Variants in CFAP20DC observed in about 807,000 individuals in gnomAD.
CFAP20DC encodes CFAP20 domain containing.
In CFAP20DC, 84 loss-of-function variants were observed where a neutral mutation model predicts 101.7. The observed-to-expected ratio is 0.83, with a 90% CI of 0.69 to 0.99. The LOEUF (loss-of-function observed/expected upper bound fraction) is 0.99. CFAP20DC is among the 50% of genes least tolerant of loss of function. CFAP20DC has a pLI of 0.00. For synonymous variants in CFAP20DC, 359 were observed against 351.2 expected, an observed-to-expected ratio of 1.02 and a Z score of -0.25; for missense variants, 1,007 against 970.3, an observed-to-expected ratio of 1.04 and a Z score of -0.50.
chr3:58,893,334 G>A (rs780977542), intron 6 of CFAP20DC, among the ~76,000 whole-genome samples: 13 of 152,162 alleles, frequency 8.5e-5, no homozygotes, highest in Non-Finnish European at 1.3e-4. Flanking sequence ...GTGAGCCACC[G>A]TGCCCGGCCA....
At position 59,007,767 on chromosome 3, in the gene CFAP20DC, C is replaced by T. The variant is rs1236475769; in HGVS notation, c.278+31790G>A. 6.6e-6 allele frequency among the ~76,000 whole-genome samples: 1 copy of T among 152,138 alleles called. No individual in the cohort carries two copies. Among genetic ancestry groups the T allele is most frequent in the African/African-American group, 2.4e-5 (1 of 41,434 alleles). The stretch of plus-strand genomic sequence containing the variant: ...GTGGCTAGACCCAGAAGGGCAGTAA[C>T]AATCACTGAAGTACAGCTCTCAGGA... On this transcript the variant is annotated intron_variant, in intron 4 of 16. Transcript: ENST00000482387. The surrounding 1 kb of genome is among the most constrained non-coding windows in gnomAD (Gnocchi z 4.4).
chr3:58,758,591 G>A (rs2069188279), intron 15 of CFAP20DC, among the ~76,000 whole-genome samples: 1 of 152,022 alleles, frequency 6.6e-6, no homozygotes, highest in Admixed American at 6.5e-5. Context: ...ACAACGTGCA[G>A]GTTTGTTACA....
intron 13 of CFAP20DC, among the ~76,000 whole-genome samples, chr3:58,840,598 G>A (rs895452998): frequency 1.3e-5 from 2 of 152,180 alleles, no homozygotes; most frequent in Non-Finnish European, 2.9e-5. Context: ...TAAAGAGCAG[G>A]AAGCACACAA....
In CFAP20DC at chr3:58,971,668, T is replaced by C. The variant is rs1176147363; in HGVS notation, c.279-33906A>G. Among the ~76,000 whole-genome samples the C allele has an allele frequency of 6.6e-6, 1 of 152,010 alleles. No homozygotes were observed. Among genetic ancestry groups the C allele is most frequent in the African/African-American group, 2.4e-5 (1 of 41,388 alleles). ...GGTCCACCATAAGGATCTAGATAAA[T>C]AGGTTATGTTCTAGCCATGCAATGG... On this transcript the variant is annotated intron_variant, in intron 4 of 16. Transcript: ENST00000482387. The surrounding 1 kb of genome is among the most constrained non-coding windows in gnomAD (Gnocchi z 4.1).
At chr3:59,011,305 G>A in intron 4 of CFAP20DC, among the ~76,000 whole-genome samples, 1 of 151,962 alleles carries the variant, frequency 6.6e-6, no homozygotes, top group East Asian at 1.9e-4. Context: ...GGCTGAAGCA[G>A]GAGAACTGCT....
chr3:58,780,955 G>C (rs923415431), intron 15 of CFAP20DC, among the ~76,000 whole-genome samples: 6 of 151,912 alleles, frequency 3.9e-5, no homozygotes, highest in African/African-American at 1.4e-4. Context: ...GAAATTTAAA[G>C]AACATTTCAT....
chr3:58,903,329 A>G (rs780324235), intron 6 of CFAP20DC, among the ~76,000 whole-genome samples: 1 of 152,132 alleles, frequency 6.6e-6, no homozygotes, highest in Non-Finnish European at 1.5e-5. Flanking sequence ...TTTGTATACG[A>G]TATGTGGTAG....
At chr3:59,045,629 C>T (rs1385387438) in intron 3 of CFAP20DC, among the ~76,000 whole-genome samples, 1 of 152,014 alleles carries the variant, frequency 6.6e-6, no homozygotes, top group Non-Finnish European at 1.5e-5. Flanking sequence ...ATCTTAATTT[C>T]TAAAGTAAAC....
intron 12 of CFAP20DC, among the ~76,000 whole-genome samples, chr3:58,855,744 T>C (rs79903218): frequency 0.17 from 24,566 of 147,998 alleles, 3,933 homozygotes; most frequent in African/African-American, 0.42. Context: ...AAGAAAAAAC[T>C]AAACACCACA....
chr3:58,833,578 T>C (rs2076541360), intron 13 of CFAP20DC, among the ~76,000 whole-genome samples: 1 of 152,122 alleles, frequency 6.6e-6, no homozygotes, highest in South Asian at 2.1e-4. Context: ...TAACACGTAT[T>C]GGCAAGGATG....
intron 15 of CFAP20DC, among the ~76,000 whole-genome samples, chr3:58,761,264 G>T (rs1468364507): frequency 6.6e-6 from 1 of 152,174 alleles, no homozygotes; most frequent in African/African-American, 2.4e-5. Flanking sequence ...TTAGTCTTGG[G>T]AGGGTGTATG....
At chr3:58,754,435 G>A (rs997307939) in intron 15 of CFAP20DC, among the ~76,000 whole-genome samples, 6 of 152,092 alleles carry the variant, frequency 3.9e-5, no homozygotes, top group Admixed American at 6.6e-5. Flanking sequence ...CCAGTCTCTT[G>A]CTTCCTCTCG....
At chr3:58,960,228 C>T (rs893448592) in intron 4 of CFAP20DC, among the ~76,000 whole-genome samples, 3 of 152,092 alleles carry the variant, frequency 2.0e-5, no homozygotes, top group African/African-American at 7.2e-5. Context: ...CGTGGTGGCT[C>T]ATGCCTGTAA....
intron 3 of CFAP20DC, among the ~76,000 whole-genome samples, chr3:58,735,980 A>G (rs1477000740): frequency 6.6e-6 from 1 of 152,128 alleles, no homozygotes. Context: ...ATTTTTTTTA[A>G]CTTAAATCAA....
chr3:58,790,822 T>A (rs2072784297), intron 15 of CFAP20DC, among the ~76,000 whole-genome samples: 1 of 152,170 alleles, frequency 6.6e-6, no homozygotes, highest in African/African-American at 2.4e-5. Flanking sequence ...TGATTAGGAC[T>A]ATGCCAGGAC....
chr3:58,768,384 C>T (rs1043929551), intron 15 of CFAP20DC, among the ~76,000 whole-genome samples: 8 of 152,142 alleles, frequency 5.3e-5, no homozygotes, highest in African/African-American at 1.9e-4. Flanking sequence ...AATTGGAAAA[C>T]TGGGAAGAGG....
At chr3:58,805,368 C>T (rs1304592110) in intron 15 of CFAP20DC, among the ~76,000 whole-genome samples, 3 of 152,194 alleles carry the variant, frequency 2.0e-5, no homozygotes, top group African/African-American at 2.4e-5. Flanking sequence ...TAGTTTCAGG[C>T]CCCTCCTGAG....
At chr3:58,942,988 G>A (rs1286977002) in intron 4 of CFAP20DC, among the ~76,000 whole-genome samples, 1 of 152,218 alleles carries the variant, frequency 6.6e-6, no homozygotes, top group African/African-American at 2.4e-5. Context: ...GCTCAGTGCA[G>A]CTCTGCAAAG....
chr3:59,005,035 G>A (rs549879868), intron 4 of CFAP20DC, among the ~76,000 whole-genome samples: 1 of 151,996 alleles, frequency 6.6e-6, no homozygotes, highest in Non-Finnish European at 1.5e-5. Context: ...CCTTCTCCTT[G>A]GGCACGGTAT....
Sources: gnomAD v4.1 joint callset for allele counts (sites outside exome capture counted in the v4.1 genomes callset) on GRCh38, gnomAD v4.1.1 for gene constraint, Gnocchi (gnomAD v3.1) non-coding constraint, MANE v1.5 for transcripts, NCBI Gene and HGNC (gene_info 2026-07-23, HGNC 2026-07-21) for gene names.